SERF1B: variants seen among roughly 807,000 people sequenced by gnomAD.
SERF1B encodes small EDRK-rich factor 1.
chr5:70,038,133 A>G (rs1774223483), intron 2 of SERF1B, among the ~76,000 whole-genome samples: 1 of 146,374 alleles, frequency 6.8e-6, no homozygotes, highest in African/African-American at 2.6e-5. Flanking sequence ...CAGCCTGGCT[A>G]TAATTGACAT....
chr5:70,029,645 GAACTTAA>G (rs1240446570), intron 2 of SERF1B: 5 of 394,134 alleles, frequency 1.3e-5, no homozygotes, highest in African/African-American at 1.1e-4. Flanking sequence ...ACCTTAAACT[GAACTTAA>G]AACAGCTCCC....
chr5:70,036,619 ACACACACACACTCT>A (rs1192780450), intron 2 of SERF1B, among the ~76,000 whole-genome samples: 3 of 124,588 alleles, frequency 2.4e-5, no homozygotes, highest in African/African-American at 9.9e-5. Context: ...ACACACACAC[ACACACACACACTCT>A]CTCTCTCTCT....
intron 2 of SERF1B, among the ~76,000 whole-genome samples, chr5:70,028,978 A>C (rs1774102653): frequency 6.6e-6 from 1 of 152,014 alleles, no homozygotes; most frequent in African/African-American, 2.4e-5. Flanking sequence ...CTCCGTCAAA[A>C]AAAAAAAACC....
intron 2 of SERF1B, among the ~76,000 whole-genome samples, chr5:70,029,216 A>G (rs544726860): frequency 1.3e-5 from 2 of 151,494 alleles, no homozygotes; most frequent in African/African-American, 2.4e-5. Flanking sequence ...GCTCACTGCA[A>G]CCTCCACCTC....
At chr5:70,037,974 A>C (rs1774219169) in intron 2 of SERF1B, among the ~76,000 whole-genome samples, 1 of 114,918 alleles carries the variant, frequency 8.7e-6, no homozygotes, top group Admixed American at 8.3e-5. Context: ...AAAAAAACAA[A>C]AAAAAAAACA....
chr5:70,032,479 ATATGT>A, intron 2 of SERF1B: 1 of 338,126 alleles, frequency 3.0e-6, no homozygotes, highest in South Asian at 2.5e-5. Flanking sequence ...CAGTCATTAC[ATATGT>A]TATAACTTAT....
chr5:70,029,663 A>C (rs1204842125), intron 2 of SERF1B: 1 of 423,350 alleles, frequency 2.4e-6, no homozygotes, highest in Non-Finnish European at 4.6e-6. Flanking sequence ...AACAGCTCCC[A>C]GGTGATTCTA....
intron 2 of SERF1B, among the ~76,000 whole-genome samples, chr5:70,029,205 G>T (rs1444092839): frequency 6.6e-6 from 1 of 151,414 alleles, no homozygotes; most frequent in Non-Finnish European, 1.5e-5. Flanking sequence ...GCGTGATCTC[G>T]GCTCACTGCA....
chr5:70,037,521 T>C (rs1172073591), intron 2 of SERF1B, among the ~76,000 whole-genome samples: 2 of 149,032 alleles, frequency 1.3e-5, no homozygotes, highest in East Asian at 2.0e-4. Context: ...TGGTGGTGTG[T>C]GCCTGTAATA....
chr5:70,028,124 ACTGG>A (rs1774075819), intron 2 of SERF1B, among the ~76,000 whole-genome samples: 1 of 30,098 alleles, frequency 3.3e-5, no homozygotes, highest in Non-Finnish European at 7.4e-5. Flanking sequence ...ACAAAAAGAA[ACTGG>A]CTTGGCGTGG....
intron 2 of SERF1B, among the ~76,000 whole-genome samples, chr5:70,029,609 C>T (rs1391450553): frequency 6.0e-4 from 89 of 148,746 alleles, no homozygotes; most frequent in African/African-American, 2.2e-3. Flanking sequence ...CTATCCCTCC[C>T]CCAGCCTCCC....
intron 2 of SERF1B, among the ~76,000 whole-genome samples, chr5:70,029,291 A>G (rs1222372586): frequency 1.3e-5 from 2 of 151,836 alleles, no homozygotes; most frequent in Non-Finnish European, 2.9e-5. Context: ...GTCCGCCACC[A>G]TGCCCAGCTA....
At chr5:70,038,411 C>T (rs940480317) in intron 2 of SERF1B, among the ~76,000 whole-genome samples, 1 of 100,476 alleles carries the variant, frequency 1.0e-5, no homozygotes, top group African/African-American at 4.3e-5. Flanking sequence ...GAGATCGAGA[C>T]CGTCCTGGCT....
intron 2 of SERF1B, 107 bp from the exon 3 acceptor site, chr5:70,041,417 C>T (rs1774256153): frequency 1.5e-6 from 1 of 679,372 alleles, no homozygotes; most frequent in Non-Finnish European, 2.7e-6. Flanking sequence ...CATACACACA[C>T]ATACACATAA....
At chr5:70,038,174 A>G (rs1250558057) in intron 2 of SERF1B, among the ~76,000 whole-genome samples, 1 of 150,398 alleles carries the variant, frequency 6.6e-6, no homozygotes, top group Non-Finnish European at 1.5e-5. Flanking sequence ...TTTTATGAAC[A>G]TATATCACAT....
Position 70,042,096 on chromosome 5 carries a change from TA to T in SERF1B, c.*357del. 3.4e-6 allele frequency: 1 copy of T among 296,234 alleles called. No homozygotes were observed. Among genetic ancestry groups the T allele is most frequent in the Non-Finnish European group, 6.3e-6 (1 of 158,954 alleles). The allele number at this position is 296,234 out of a possible 1,614,324, so 18.4% of individuals were successfully genotyped here. A position where few individuals can be genotyped will look rare whatever the true frequency, so the allele number is the denominator to read the frequency against. On this transcript the variant is annotated 3_prime_UTR_variant, in exon 3 of 3. Coordinates refer to ENST00000380750, the MANE Select transcript of SERF1B (RefSeq NM_022978.3). Reference sequence around the variant, plus strand: ...CGCTGCCACACCCAGGTAATTTATTTATTTTTTTTTTGAGACAGAGTCTCGC... The same window carrying T: ...CGCTGCCACACCCAGGTAATTTATTTTTTTTTTTTTGAGACAGAGTCTCGC...
At chr5:70,038,079 C>CTTTCA (rs1774221749) in intron 2 of SERF1B, among the ~76,000 whole-genome samples, 1 of 131,608 alleles carries the variant, frequency 7.6e-6, no homozygotes, top group Non-Finnish European at 1.6e-5. Context: ...CACTTCCTTG[C>CTTTCA]AGCAGTCTGG....
rs1258748610 is a variant in SERF1B at position 70,029,462 on chromosome 5, A to AT, written c.116+2957dup. ...GTTATACCTTTTTTTTTTTTTTTGA[A>AT]TTTTTTTTTTATTATTACGCTTTAA... On this transcript the variant is annotated intron_variant, in intron 2 of 2. Coordinates refer to ENST00000380750, the MANE Select transcript of SERF1B (RefSeq NM_022978.3). Among the ~76,000 whole-genome samples, 77 of 144,342 alleles carry AT rather than the reference A, an allele frequency of 5.3e-4. 1 individual carries two copies. The East Asian group carries it at 6.2e-3, about 12-fold the overall frequency. 94.7% of individuals were successfully genotyped at this position (144,342 alleles called of 152,430 possible).
intron 2 of SERF1B, among the ~76,000 whole-genome samples, chr5:70,038,194 T>C: frequency 6.6e-6 from 1 of 151,136 alleles, no homozygotes; most frequent in East Asian, 2.0e-4. Context: ...TGACATAAGT[T>C]TTTGTCAAAT....
Sources: allele counts gnomAD v4.1 joint callset (sites outside exome capture counted in the v4.1 genomes callset), GRCh38; gene constraint gnomAD v4.1.1; transcripts MANE v1.5; gene names NCBI Gene and HGNC (gene_info 2026-07-23, HGNC 2026-07-21).